Variants in SPOPL observed in about 807,000 individuals in gnomAD.
SPOPL encodes speckle type BTB/POZ protein like.
Under a neutral mutation model 53.8 loss-of-function variants are expected in SPOPL, and 23 were observed. The ratio of observed to expected loss-of-function variants is 0.43; its 90% CI spans 0.31 to 0.61. The LOEUF is 0.61. SPOPL is among the 20% of genes least tolerant of loss of function. SPOPL has a pLI of 0.12. For missense variants in SPOPL, 442 were observed against 466.9 expected (o/e 0.95, Z 0.49); for synonymous variants, 164 against 149.7 (o/e 1.10, Z -0.70).
intron 10 of SPOPL, 125 bp downstream of exon 10, chr2:138,565,118 TTA>T: frequency 1.6e-6 from 2 of 1,232,242 alleles, no homozygotes; most frequent in Non-Finnish European, 2.3e-6. Flanking sequence ...CTGCCAGTTA[TTA>T]AAAACAAACA....
intron 1 of SPOPL, among the ~76,000 whole-genome samples, chr2:138,519,885 T>G (rs910069281): frequency 3.3e-5 from 5 of 152,226 alleles, no homozygotes; most frequent in Admixed American, 6.5e-5. Flanking sequence ...ACAATACATT[T>G]GATTAATTCT....
intron 1 of SPOPL, among the ~76,000 whole-genome samples, chr2:138,534,587 ATTTTT>A (rs1012904755): frequency 1.3e-5 from 2 of 152,074 alleles, no homozygotes; most frequent in South Asian, 4.2e-4. Flanking sequence ...ATGTGCAGGT[ATTTTT>A]TTTAAATGAG....
chr2:138,544,671 C>T (rs188133753), intron 1 of SPOPL, among the ~76,000 whole-genome samples: 66 of 152,356 alleles, frequency 4.3e-4, no homozygotes, highest in Non-Finnish European at 8.4e-4. Flanking sequence ...TCCCTGACCC[C>T]TTGTGCTTCC....
intron 10 of SPOPL, among the ~76,000 whole-genome samples, chr2:138,567,856 C>T (rs1402879710): frequency 6.6e-6 from 1 of 151,932 alleles, no homozygotes; most frequent in African/African-American, 2.4e-5. Flanking sequence ...AGAATTGAGG[C>T]AAGGAAGGGT....
intron 1 of SPOPL, among the ~76,000 whole-genome samples, chr2:138,531,240 GTCTTT>G (rs1558868305): frequency 6.6e-6 from 1 of 151,510 alleles, no homozygotes; most frequent in Admixed American, 6.6e-5. Context: ...TAGTTATGCT[GTCTTT>G]TCTTGTAGTG....
intron 5 of SPOPL, among the ~76,000 whole-genome samples, chr2:138,554,686 G>A (rs996362927): frequency 6.6e-6 from 1 of 152,128 alleles, no homozygotes; most frequent in African/African-American, 2.4e-5. Flanking sequence ...TAGGAATTGA[G>A]AAATAAGTAG....
At chr2:138,541,684 C>T (rs1412720716) in intron 1 of SPOPL, among the ~76,000 whole-genome samples, 3 of 152,120 alleles carry the variant, frequency 2.0e-5, no homozygotes, top group Non-Finnish European at 4.4e-5. Context: ...TTCAAAAAAC[C>T]AGCTCCTGGA....
chr2:138,506,480 AG>A (rs1284821146), intron 1 of SPOPL, among the ~76,000 whole-genome samples: 1 of 152,202 alleles, frequency 6.6e-6, no homozygotes, highest in Non-Finnish European at 1.5e-5. Flanking sequence ...TCAGGATGGC[AG>A]TGATAGAGAT....
chr2:138,564,803 G>T lies in SPOPL; in HGVS notation c.933G>T (p.Leu311Phe), dbSNP rs540372520. The T allele has an allele frequency of 3.1e-5, 50 of 1,614,144 alleles. No individual in the cohort carries two copies. In the Admixed American group the frequency reaches 8.0e-4, roughly 26 times the overall value. ...NVADTLVLAD[L>F]HSAEQLKAQA... The stretch of plus-strand genomic sequence containing the variant: ...CAGATACCCTTGTCCTTGCAGATTT[G>T]CACAGTGCAGAACAGTTGAAAGCAC... The change falls in exon 9 of 11, where the codon TTG (leucine) becomes TTT (phenylalanine). Residue 311 changes from leucine to phenylalanine, a missense_variant. Coordinates refer to ENST00000280098, the MANE Select transcript of SPOPL (RefSeq NM_001001664.3).
intron 5 of SPOPL, among the ~76,000 whole-genome samples, chr2:138,555,627 C>T (rs1027248263): frequency 6.6e-6 from 1 of 152,146 alleles, no homozygotes; most frequent in Non-Finnish European, 1.5e-5. Context: ...TACTATTTAG[C>T]ATTGGAAATT....
At chr2:138,555,889 T>G (rs1685414291) in intron 5 of SPOPL, among the ~76,000 whole-genome samples, 2 of 152,222 alleles carry the variant, frequency 1.3e-5, no homozygotes. Flanking sequence ...TGCCTCTTTT[T>G]TTTTTTGAAA....
intron 1 of SPOPL, among the ~76,000 whole-genome samples, chr2:138,518,069 A>G (rs1684482563): frequency 6.6e-6 from 1 of 151,424 alleles, no homozygotes; most frequent in Non-Finnish European, 1.5e-5. Context: ...AAAAAAAGAA[A>G]AGGAAAAAGA....
intron 1 of SPOPL, among the ~76,000 whole-genome samples, chr2:138,523,284 C>T (rs557584707): frequency 1.3e-5 from 2 of 152,266 alleles, no homozygotes; most frequent in South Asian, 4.1e-4. Flanking sequence ...ATGAGACTTA[C>T]TGTCACAAGA....
At chr2:138,557,861 TA>T (rs998222798) in intron 5 of SPOPL, among the ~76,000 whole-genome samples, 2 of 152,154 alleles carry the variant, frequency 1.3e-5, no homozygotes, top group Non-Finnish European at 2.9e-5. Context: ...ATCCATTTTT[TA>T]AAAAAGTGGT....
At chr2:138,518,061 A>AG (rs1323609556) in intron 1 of SPOPL, among the ~76,000 whole-genome samples, 43 of 151,390 alleles carry the variant, frequency 2.8e-4, no homozygotes, top group Non-Finnish European at 3.8e-4. Flanking sequence ...AAAAAAAAAA[A>AG]AAAAGAAAAG....
chr2:138,520,868 G>A (rs1306239113), intron 1 of SPOPL, among the ~76,000 whole-genome samples: 1 of 152,094 alleles, frequency 6.6e-6, no homozygotes, highest in East Asian at 1.9e-4. Flanking sequence ...GATGCTAACT[G>A]AATAAAGTTG....
intron 1 of SPOPL, among the ~76,000 whole-genome samples, chr2:138,544,363 A>G (rs902850485): frequency 2.6e-5 from 4 of 152,248 alleles, no homozygotes; most frequent in Non-Finnish European, 5.9e-5. Flanking sequence ...GGCCTCCTTG[A>G]GCTGCGGTGG....
At chr2:138,525,184 A>G (rs1239076694) in intron 1 of SPOPL, among the ~76,000 whole-genome samples, 1 of 152,236 alleles carries the variant, frequency 6.6e-6, no homozygotes, top group Non-Finnish European at 1.5e-5. Flanking sequence ...GGCAAAAGGC[A>G]TGTCTCACAT....
chr2:138,567,652 ATAG>A (rs1685692706), intron 10 of SPOPL, among the ~76,000 whole-genome samples: 1 of 152,094 alleles, frequency 6.6e-6, no homozygotes, highest in African/African-American at 2.4e-5. Flanking sequence ...TGCGGTGGCA[ATAG>A]TAGTTGAGAA....
Sources: gnomAD v4.1 joint callset for allele counts (sites outside exome capture counted in the v4.1 genomes callset) on GRCh38, gnomAD v4.1.1 for gene constraint, MANE v1.5 for transcripts, NCBI Gene and HGNC (gene_info 2026-07-23, HGNC 2026-07-21) for gene names.